Variants in KLKB1 observed in about 807,000 individuals in gnomAD.
KLKB1 encodes the protein plasma kallikrein.
Under a neutral mutation model 73.6 loss-of-function variants are expected in KLKB1, and 58 were observed. The ratio of observed to expected loss-of-function variants is 0.79; its 90% CI spans 0.64 to 0.98. The LOEUF (loss-of-function observed/expected upper bound fraction) is 0.98, where lower values mean the gene tolerates loss of function less well. Among genes scored for constraint, KLKB1 ranks in the 50% least tolerant of loss-of-function variants. KLKB1 has a pLI of 0.00. For synonymous variants in KLKB1, 280 were observed against 258.1 expected, an observed-to-expected ratio of 1.08 and a Z score of -0.81; for missense variants, 737 against 763.8, an observed-to-expected ratio of 0.96 and a Z score of 0.41.
chr4:186,244,174 T>C (rs931499842), intron 6 of KLKB1, among the ~76,000 whole-genome samples: 1 of 152,094 alleles, frequency 6.6e-6, no homozygotes, highest in African/African-American at 2.4e-5. Context: ...CTAGGGCTGT[T>C]TTTAAGGAAT....
intron 2 of KLKB1, among the ~76,000 whole-genome samples, chr4:186,231,900 T>G (rs1737412375): frequency 6.6e-6 from 1 of 152,230 alleles, no homozygotes; most frequent in South Asian, 2.1e-4. Flanking sequence ...TTGTGCAATT[T>G]AATGAAAATA....
chr4:186,245,918 C>T (rs568232364), intron 6 of KLKB1, among the ~76,000 whole-genome samples: 5 of 149,750 alleles, frequency 3.3e-5, no homozygotes, highest in Non-Finnish European at 5.9e-5. Flanking sequence ...GGCTGTAAAG[C>T]GTCTCAGGGT....
rs575149985 is a variant in KLKB1 at position 186,252,115 on chromosome 4, C to A, written c.1243C>A (p.Gln415Lys). ...QVSLQVKLTA[Q>K]RHLCGGSLIG... ...GAGCCTGCAGGTGAAGCTGACAGCT[C>A]AGAGGCACCTGTGTGGAGGGTCACT... Residue 415 changes from glutamine to lysine, a missense_variant, in exon 11 of 15, where the codon CAG (glutamine) becomes AAG (lysine). Transcript: ENST00000264690. 1.2e-6 allele frequency: 2 copies of A among 1,614,006 alleles called. No homozygotes were observed. The highest frequency in any genetic ancestry group is 2.7e-5 in the African/African-American group (2 of 75,056).
In KLKB1 at chr4:186,251,738, A is replaced by G; in HGVS notation, c.1032-11A>G. The G allele has an allele frequency of 1.2e-6, 2 of 1,609,336 alleles. No individual in the cohort carries two copies. The highest frequency in any genetic ancestry group is 1.3e-5 in the African/African-American group (1 of 74,904). Reference sequence around the variant, plus strand: ...TGAAGGCTTACTCTTTCTACTGTTCATTTCATCTAGGTGTAAGTGTTTCTT... The same window carrying G: ...TGAAGGCTTACTCTTTCTACTGTTCGTTTCATCTAGGTGTAAGTGTTTCTT... On this transcript the variant is annotated splice_polypyrimidine_tract_variant and intron_variant, in intron 9 of 14. Coordinates refer to ENST00000264690, the MANE Select transcript of KLKB1 (RefSeq NM_000892.5).
chr4:186,244,187 C>G (rs889914805), intron 6 of KLKB1, among the ~76,000 whole-genome samples: 3 of 152,012 alleles, frequency 2.0e-5, no homozygotes, highest in African/African-American at 7.3e-5. Flanking sequence ...TAAGGAATGG[C>G]AAGAGGAGTG....
intron 2 of KLKB1, chr4:186,213,071 C>G (rs1409791567): frequency 6.6e-6 from 1 of 151,930 alleles, no homozygotes; most frequent in Non-Finnish European, 1.5e-5. Context: ...TTTTAGTGAC[C>G]CTACATGACA....
chr4:186,248,191 T>C (rs1738479271), intron 6 of KLKB1, among the ~76,000 whole-genome samples: 2 of 151,850 alleles, frequency 1.3e-5, no homozygotes, highest in East Asian at 3.9e-4. Flanking sequence ...GAGCTTGCAG[T>C]GAGCCAAGAT....
intron 11 of KLKB1, among the ~76,000 whole-genome samples, chr4:186,253,244 T>C (rs1258444871): frequency 1.3e-5 from 2 of 152,196 alleles, no homozygotes; most frequent in African/African-American, 4.8e-5. Flanking sequence ...AAAGAAATAC[T>C]AGAAGACACT....
At chr4:186,235,664 A>T (rs931718142) in intron 4 of KLKB1, among the ~76,000 whole-genome samples, 1 of 152,114 alleles carries the variant, frequency 6.6e-6, no homozygotes, top group Non-Finnish European at 1.5e-5. Flanking sequence ...TAGTTTTATG[A>T]CTTCAACCAT....
rs183099289 is a variant in KLKB1 at position 186,247,762 on chromosome 4, T to G, written c.599-2481T>G. 9.1e-4 allele frequency among the ~76,000 whole-genome samples: 138 copies of G among 152,360 alleles called. 2 individuals are homozygous for G. Among genetic ancestry groups the G allele is most frequent in the Non-Finnish European group, 1.6e-3 (107 of 68,036 alleles). On this transcript the variant is annotated intron_variant, in intron 6 of 14. Transcript: ENST00000264690. ...AATGTGTCTGTTTTACATGAATCCC[T>G]TCTACAAGCTTGGTATTTAATATGG...
At chr4:186,220,099 G>A (rs1737000185) in intron 2 of KLKB1, among the ~76,000 whole-genome samples, 1 of 151,946 alleles carries the variant, frequency 6.6e-6, no homozygotes, top group Admixed American at 6.6e-5. Flanking sequence ...ACACAACTAA[G>A]CAAGCAGAAG....
At chr4:186,250,560 G>C (rs1738616919) in intron 7 of KLKB1, 158 bp downstream of exon 7, 1 of 785,388 alleles carries the variant, frequency 1.3e-6, no homozygotes, top group Non-Finnish European at 2.2e-6. Flanking sequence ...GTTCTGCCAG[G>C]TGCAGATTAG....
chr4:186,241,648 C>T (rs922140430), intron 6 of KLKB1, among the ~76,000 whole-genome samples: 1 of 152,068 alleles, frequency 6.6e-6, no homozygotes, highest in African/African-American at 2.4e-5. Flanking sequence ...AGATGGTACA[C>T]ATATTTTCAA....
At chr4:186,248,617 C>A (rs1363435972) in intron 6 of KLKB1, among the ~76,000 whole-genome samples, 1 of 54,394 alleles carries the variant, frequency 1.8e-5, no homozygotes, top group Non-Finnish European at 3.2e-5. Flanking sequence ...TTTTTTTTGC[C>A]TCTTATGAAT....
chr4:186,255,611 GATAAT>G (rs1738956527), intron 12 of KLKB1, among the ~76,000 whole-genome samples: 1 of 152,166 alleles, frequency 6.6e-6, no homozygotes, highest in Non-Finnish European at 1.5e-5. Context: ...AAATGAGGAT[GATAAT>G]TTCTTCCTGG....
chr4:186,238,704 A>C (rs1737838752), intron 6 of KLKB1, among the ~76,000 whole-genome samples: 1 of 152,218 alleles, frequency 6.6e-6, no homozygotes, highest in African/African-American at 2.4e-5. Context: ...CTAGAAGTTG[A>C]AAAGGGCGAG....
rs536923418 is a variant in KLKB1 at position 186,233,203 on chromosome 4, G to A, written c.222-749G>A. 6.6e-5 allele frequency among the ~76,000 whole-genome samples: 10 copies of A among 152,278 alleles called. No homozygotes were observed. The South Asian group carries it at 1.5e-3, about 22-fold the overall frequency. ...GCTGGGATTACAGGCATGAGCCACC[G>A]CACCCAGCGGTAATTACAATTTTTA... On this transcript the variant is annotated intron_variant, in intron 3 of 14. Coordinates refer to ENST00000264690, the MANE Select transcript of KLKB1 (RefSeq NM_000892.5).
intron 6 of KLKB1, 24 bp downstream of exon 6, chr4:186,238,389 T>C (rs1423321236): frequency 3.3e-6 from 5 of 1,506,940 alleles, no homozygotes; most frequent in Middle Eastern, 1.7e-4. Context: ...TACTTCACTT[T>C]GTGATTGTGG....
At position 186,236,818 on chromosome 4, in the gene KLKB1, A is replaced by G. The variant is rs1428196926; in HGVS notation, c.366A>G (p.Arg122=). 6.2e-7 allele frequency: 1 copy of G among 1,613,876 alleles called. No individual in the cohort carries two copies. The highest frequency in any genetic ancestry group is 1.7e-5 in the Admixed American group (1 of 60,018). The change falls in exon 5 of 15, where the codon AGA becomes AGG. Residue 122 remains arginine (R), a synonymous_variant. Coordinates refer to ENST00000264690, the MANE Select transcript of KLKB1 (RefSeq NM_000892.5). ...ACATTTATAAAGGAGTTGATATGAG[A>G]GGAGTCAATTTTAATGTGTCTAAGG... is the stretch of plus-strand genomic sequence containing the variant. ...HRDIYKGVDM[R]GVNFNVSKVS...
Sources: gnomAD v4.1 joint callset for allele counts (sites outside exome capture counted in the v4.1 genomes callset) on GRCh38, gnomAD v4.1.1 for gene constraint, MANE v1.5 for transcripts, NCBI Gene and HGNC (gene_info 2026-07-23, HGNC 2026-07-21) for gene names.